The following PTPRD variants were observed in gnomAD, a reference collection of about 807,000 sequenced individuals.
The protein encoded by PTPRD is protein tyrosine phosphatase receptor type D, also known as receptor-type tyrosine-protein phosphatase delta.
PTPRD carries 34 observed loss-of-function variants against 214.5 expected under a neutral mutation model. The ratio of observed to expected loss-of-function variants is 0.16; its 90% CI spans 0.12 to 0.21. The LOEUF (loss-of-function observed/expected upper bound fraction) is 0.21. Ranked by LOEUF, PTPRD falls within the 10% of genes least tolerant of loss-of-function variation. The pLI is 1.00. For synonymous variants in PTPRD, 1,128 were observed against 845.7 expected (o/e 1.33, Z -5.79); for missense variants, 2,545 against 2,398.7 (o/e 1.06, Z -1.27).
At chr9:9,672,953 A>G (rs2154388761) in intron 7 of PTPRD, among the ~76,000 whole-genome samples, 1 of 152,184 alleles carries the variant, frequency 6.6e-6, no homozygotes, top group East Asian at 1.9e-4. Flanking sequence ...TAAATCTGTT[A>G]TAAAATCCCT....
At chr9:8,757,445 C>T (rs1264567084) in intron 11 of PTPRD, among the ~76,000 whole-genome samples, 7 of 151,756 alleles carry the variant, frequency 4.6e-5, no homozygotes, top group Non-Finnish European at 8.8e-5. Context: ...GGCTATTTTA[C>T]AAATACCATA....
chr9:10,019,785 G>A (rs182655178), intron 4 of PTPRD, among the ~76,000 whole-genome samples: 49 of 150,072 alleles, frequency 3.3e-4, no homozygotes, highest in African/African-American at 1.2e-3. Flanking sequence ...TGTGGGGTGG[G>A]GGGGAGCTGG....
intron 7 of PTPRD, among the ~76,000 whole-genome samples, chr9:9,734,184 C>T (rs1446710200): frequency 6.6e-6 from 1 of 152,124 alleles, no homozygotes; most frequent in African/African-American, 2.4e-5. Context: ...TGCATTTGAT[C>T]TATTTTTAAA....
At chr9:9,973,662 C>A (rs780453483) in intron 4 of PTPRD, among the ~76,000 whole-genome samples, 12 of 152,002 alleles carry the variant, frequency 7.9e-5, no homozygotes, top group Non-Finnish European at 1.3e-4. Context: ...CACAGATAGA[C>A]GAGTCTAAAG....
At chr9:9,342,078 G>A (rs768301476) in intron 9 of PTPRD, among the ~76,000 whole-genome samples, 26 of 151,960 alleles carry the variant, frequency 1.7e-4, no homozygotes, top group Non-Finnish European at 3.1e-4. Context: ...CAAAGTGCTG[G>A]GATTACAGGT....
At chr9:9,389,736 T>C (rs1270088383) in intron 9 of PTPRD, among the ~76,000 whole-genome samples, 1 of 152,040 alleles carries the variant, frequency 6.6e-6, no homozygotes, top group Admixed American at 6.5e-5. Flanking sequence ...TTGAATAGAG[T>C]CCTAGAATAT....
At chr9:9,509,624 G>T (rs1426705712) in intron 8 of PTPRD, among the ~76,000 whole-genome samples, 2 of 151,484 alleles carry the variant, frequency 1.3e-5, no homozygotes, top group East Asian at 3.9e-4. Context: ...CAAGGAGATA[G>T]ATTTGAGACT....
chr9:8,545,191 T>G lies in PTPRD; in HGVS notation c.353-16412A>C, dbSNP rs534384778. ...TTTACTCTCCAGAAATAATTTTTGTTGATTTTCAAATTCATTTCCCAACAT... is the reference window on the plus strand; with the variant it reads ...TTTACTCTCCAGAAATAATTTTTGTGGATTTTCAAATTCATTTCCCAACAT... On this transcript the variant is annotated intron_variant, in intron 14 of 45. Transcript: ENST00000381196. Among the ~76,000 whole-genome samples the G allele has an allele frequency of 9.9e-5, 15 of 152,274 alleles. No individual in the cohort carries two copies. In the South Asian group the frequency reaches 3.1e-3, roughly 32 times the overall value.
At chr9:9,259,392 A>G (rs987965879) in intron 9 of PTPRD, among the ~76,000 whole-genome samples, 2 of 151,870 alleles carry the variant, frequency 1.3e-5, no homozygotes, top group African/African-American at 4.8e-5. Flanking sequence ...CTTACAGGAC[A>G]TGTTTCTGGA....
chr9:9,821,243 C>A (rs2050617653), intron 5 of PTPRD, among the ~76,000 whole-genome samples: 1 of 152,012 alleles, frequency 6.6e-6, no homozygotes, highest in Non-Finnish European at 1.5e-5. Context: ...AAAATGCTAC[C>A]AATTTTTGTA....
intron 10 of PTPRD, among the ~76,000 whole-genome samples, chr9:9,116,509 G>T (rs1338980693): frequency 6.6e-6 from 1 of 152,020 alleles, no homozygotes; most frequent in Non-Finnish European, 1.5e-5. Flanking sequence ...GTTACCTACT[G>T]ATTATGATGT....
chr9:9,812,395 A>G (rs2047420030), intron 5 of PTPRD, among the ~76,000 whole-genome samples: 2 of 150,790 alleles, frequency 1.3e-5, no homozygotes, highest in South Asian at 4.2e-4. Context: ...GTGGATTTGA[A>G]AAAAAAAAAG....
intron 2 of PTPRD, among the ~76,000 whole-genome samples, chr9:10,611,594 A>C (rs1321517553): frequency 6.6e-6 from 1 of 152,190 alleles, no homozygotes; most frequent in Non-Finnish European, 1.5e-5. Flanking sequence ...TGGTGATGTT[A>C]GCCCCAAGAG....
At chr9:10,398,294 T>C (rs1037117399) in intron 2 of PTPRD, among the ~76,000 whole-genome samples, 2 of 151,710 alleles carry the variant, frequency 1.3e-5, no homozygotes, top group East Asian at 2.0e-4. Context: ...TTGGGAAAAA[T>C]TGCTTGAGTC....
At chr9:10,086,375 A>C (rs1441946395) in intron 3 of PTPRD, among the ~76,000 whole-genome samples, 1 of 151,660 alleles carries the variant, frequency 6.6e-6, no homozygotes, top group Non-Finnish European at 1.5e-5. Flanking sequence ...TCTCCTTTTC[A>C]GCCACTGTGA....
intron 7 of PTPRD, among the ~76,000 whole-genome samples, chr9:9,635,944 A>G (rs1264491037): frequency 6.6e-6 from 1 of 152,180 alleles, no homozygotes; most frequent in Non-Finnish European, 1.5e-5. Flanking sequence ...GCAGAAAAAA[A>G]TGATATTGCA....
At chr9:9,968,652 C>G (rs2094877835) in intron 4 of PTPRD, among the ~76,000 whole-genome samples, 1 of 152,040 alleles carries the variant, frequency 6.6e-6, no homozygotes. Flanking sequence ...GTTGTCAGTT[C>G]CTTTCTTTAT....
intron 2 of PTPRD, among the ~76,000 whole-genome samples, chr9:10,420,670 C>T (rs996605025): frequency 5.9e-5 from 9 of 151,908 alleles, no homozygotes; most frequent in African/African-American, 2.2e-4. Context: ...ACTCCTAATC[C>T]TTATCCTGAG....
chr9:9,808,242 G>T (rs977826144), intron 5 of PTPRD, among the ~76,000 whole-genome samples: 2 of 152,124 alleles, frequency 1.3e-5, no homozygotes, highest in African/African-American at 2.4e-5. Flanking sequence ...TTGGTCTGAT[G>T]AGCATTTCGA....
Sources: allele counts gnomAD v4.1 joint callset (sites outside exome capture counted in the v4.1 genomes callset), GRCh38; gene constraint gnomAD v4.1.1; transcripts MANE v1.5; gene names NCBI Gene and HGNC (gene_info 2026-07-23, HGNC 2026-07-21).